The following ASIC2 variants were observed in gnomAD, a reference collection of about 807,000 sequenced individuals.
ASIC2 encodes the protein acid-sensing ion channel 2.
ASIC2 carries 25 observed loss-of-function variants against 57.3 expected under a neutral mutation model. The observed-to-expected ratio is 0.44, with a 90% CI of 0.32 to 0.61. The LOEUF (loss-of-function observed/expected upper bound fraction) is 0.61. Ranked by LOEUF, ASIC2 falls within the 20% of genes least tolerant of loss-of-function variation. The probability of loss-of-function intolerance (pLI) is 0.06; values close to 1 mark genes in which losing one functional copy is unlikely to be tolerated. For missense variants in ASIC2, 641 were observed against 738.1 expected (o/e 0.87, Z 1.52); for synonymous variants, 319 against 307.5 (o/e 1.04, Z -0.39).
chr17:33,288,784 G>C (rs1324261804), intron 1 of ASIC2, among the ~76,000 whole-genome samples: 1 of 149,768 alleles, frequency 6.7e-6, no homozygotes, highest in Non-Finnish European at 1.5e-5. Context: ...ATACAGTATT[G>C]TTATCTCCAT....
At chr17:33,410,716 G>T (rs1875874) in intron 1 of ASIC2, among the ~76,000 whole-genome samples, 92,906 of 152,100 alleles carry the variant, frequency 0.61, 29,826 homozygotes, top group East Asian at 0.88. Flanking sequence ...CCTAAGTTGG[G>T]TGCCCTCAAG....
chr17:33,756,000 G>A (rs1341302992), intron 1 of ASIC2, among the ~76,000 whole-genome samples: 2 of 152,256 alleles, frequency 1.3e-5, no homozygotes, highest in Non-Finnish European at 2.9e-5. Flanking sequence ...CTCCAATCTT[G>A]CTAAGCGCAT....
chr17:34,036,083 A>G (rs1029649494), intron 1 of ASIC2, among the ~76,000 whole-genome samples: 1 of 152,064 alleles, frequency 6.6e-6, no homozygotes, highest in East Asian at 1.9e-4. Flanking sequence ...ATATGTTTAT[A>G]TCGTCAATAT....
At chr17:33,144,712 C>T (rs1904484973) in intron 1 of ASIC2, among the ~76,000 whole-genome samples, 2 of 152,110 alleles carry the variant, frequency 1.3e-5, no homozygotes, top group African/African-American at 4.8e-5. Context: ...CTTGACATAA[C>T]CAGAGGAGAA....
At chr17:33,579,948 T>G (rs1188029677) in intron 1 of ASIC2, 1 of 152,158 alleles carries the variant, frequency 6.6e-6, no homozygotes, top group African/African-American at 2.4e-5. Context: ...TTCAGAATGC[T>G]GATTGGTCCG....
At chr17:33,380,646 C>T (rs565134643) in intron 1 of ASIC2, among the ~76,000 whole-genome samples, 40 of 152,352 alleles carry the variant, frequency 2.6e-4, no homozygotes, top group African/African-American at 9.1e-4. Context: ...GATCCCTCTG[C>T]TGCCTTGGAG....
chr17:33,457,484 A>G (rs558305767), intron 1 of ASIC2, among the ~76,000 whole-genome samples: 2 of 152,334 alleles, frequency 1.3e-5, no homozygotes, highest in African/African-American at 2.4e-5. Context: ...TAAATTGCCA[A>G]TTGAACAACT....
intron 1 of ASIC2, among the ~76,000 whole-genome samples, chr17:33,593,187 C>G (rs1332921106): frequency 6.6e-6 from 1 of 152,178 alleles, no homozygotes; most frequent in South Asian, 2.1e-4. Flanking sequence ...ATCAAAACAT[C>G]CACTGCAGAT....
At chr17:33,309,833 A>G (rs1490123005) in intron 1 of ASIC2, among the ~76,000 whole-genome samples, 1 of 150,802 alleles carries the variant, frequency 6.6e-6, no homozygotes. Flanking sequence ...CAGTAATCTT[A>G]AATTTGAACA....
chr17:33,504,146 C>T (rs1914180217), intron 1 of ASIC2, among the ~76,000 whole-genome samples: 2 of 152,246 alleles, frequency 1.3e-5, no homozygotes, highest in African/African-American at 4.8e-5. Context: ...TCTTTCCAGT[C>T]CCTCTCCCTG....
At position 33,034,355 on chromosome 17, in the gene ASIC2, G is replaced by T. The variant is rs1193786435; in HGVS notation, c.988-5963C>A. 2.6e-5 allele frequency among the ~76,000 whole-genome samples: 4 copies of T among 152,240 alleles called. No homozygotes were observed. The East Asian group carries it at 5.8e-4, about 22-fold the overall frequency. ...CTCTAGCAAGTAAAAAATATAGTCAGGAGTGGTAGTGCACCCCTGTAGTAT... is the reference window on the plus strand; with the variant it reads ...CTCTAGCAAGTAAAAAATATAGTCATGAGTGGTAGTGCACCCCTGTAGTAT... On this transcript the variant is annotated intron_variant, in intron 3 of 9. Coordinates refer to ENST00000225823, the MANE Select transcript of ASIC2 (RefSeq NM_183377.2).
chr17:33,328,008 G>T (rs560446706), intron 1 of ASIC2, among the ~76,000 whole-genome samples: 1 of 152,186 alleles, frequency 6.6e-6, no homozygotes, highest in African/African-American at 2.4e-5. Context: ...CAGAAGCAAA[G>T]AAAGAAGCAA....
At chr17:33,044,931 T>A (rs2091946754) in intron 3 of ASIC2, among the ~76,000 whole-genome samples, 1 of 152,130 alleles carries the variant, frequency 6.6e-6, no homozygotes, top group East Asian at 1.9e-4. Flanking sequence ...AAAGACTATG[T>A]TTTTTTAGGC....
chr17:33,422,997 A>T (rs960582625), intron 1 of ASIC2, among the ~76,000 whole-genome samples: 2 of 152,156 alleles, frequency 1.3e-5, no homozygotes, highest in African/African-American at 2.4e-5. Context: ...CTGGCCACCA[A>T]GCATCAGCCT....
intron 1 of ASIC2, among the ~76,000 whole-genome samples, chr17:33,787,218 G>T (rs1240502783): frequency 6.6e-6 from 1 of 152,214 alleles, no homozygotes; most frequent in Non-Finnish European, 1.5e-5. Context: ...CTGAATGAAA[G>T]GTGAACTGCA....
At chr17:33,990,745 A>G (rs951052365) in intron 1 of ASIC2, among the ~76,000 whole-genome samples, 3 of 152,220 alleles carry the variant, frequency 2.0e-5, no homozygotes, top group African/African-American at 7.2e-5. Context: ...GAATTATGCA[A>G]GAGGCATAAA....
At chr17:33,128,266 C>T (rs2092332185) in intron 1 of ASIC2, among the ~76,000 whole-genome samples, 1 of 152,200 alleles carries the variant, frequency 6.6e-6, no homozygotes, top group Non-Finnish European at 1.5e-5. Flanking sequence ...TCAGCTGGCT[C>T]TTCCAAACCA....
intron 1 of ASIC2, among the ~76,000 whole-genome samples, chr17:33,540,139 G>C (rs1474384834): frequency 1.3e-5 from 2 of 152,148 alleles, no homozygotes; most frequent in South Asian, 2.1e-4. Flanking sequence ...CTCTGAGGGA[G>C]CATCTGTTCC....
intron 1 of ASIC2, among the ~76,000 whole-genome samples, chr17:33,781,493 C>G (rs1007971205): frequency 6.6e-6 from 1 of 152,164 alleles, no homozygotes; most frequent in Non-Finnish European, 1.5e-5. Flanking sequence ...GGTGAACAGT[C>G]ACTTCCATCG....
Sources: gnomAD v4.1 joint callset for allele counts (sites outside exome capture counted in the v4.1 genomes callset) on GRCh38, gnomAD v4.1.1 for gene constraint, MANE v1.5 for transcripts, NCBI Gene and HGNC (gene_info 2026-07-23, HGNC 2026-07-21) for gene names.